The following CDK15 variants were observed in gnomAD, a reference collection of about 807,000 sequenced individuals.
CDK15 encodes cyclin-dependent kinase 15.
CDK15 carries 62 observed loss-of-function variants against 60.3 expected under a neutral mutation model. The ratio of observed to expected loss-of-function variants is 1.03; its 90% confidence interval spans 0.84 to 1.27. The LOEUF (loss-of-function observed/expected upper bound fraction) is 1.27. Among genes scored for constraint, CDK15 ranks in the 50% most tolerant of loss-of-function variants. CDK15 has a pLI of 0.00. For synonymous variants in CDK15, 194 were observed against 195.7 expected (o/e 0.99, Z 0.07); for missense variants, 541 against 527.8 (o/e 1.03, Z -0.25).
At chr2:201,829,760 A>T (rs6435111) in intron 6 of CDK15, among the ~76,000 whole-genome samples, 137,952 of 152,036 alleles carry the variant, frequency 0.91, 63,182 homozygotes, top group East Asian at 1. Context: ...AATAACAATA[A>T]GTTATTATTT....
At chr2:201,834,682 C>T (rs1034617075) in intron 7 of CDK15, among the ~76,000 whole-genome samples, 7 of 152,112 alleles carry the variant, frequency 4.6e-5, no homozygotes, top group Non-Finnish European at 8.8e-5. Flanking sequence ...TCATTTTATC[C>T]TTAGTGCCTG....
intron 9 of CDK15, among the ~76,000 whole-genome samples, chr2:201,851,957 C>T (rs1260904077): frequency 6.6e-6 from 1 of 152,046 alleles, no homozygotes; most frequent in African/African-American, 2.4e-5. Flanking sequence ...CCGTGCCCGG[C>T]CCTTTGCCCA....
intron 6 of CDK15, chr2:201,824,946 G>A: frequency 4.0e-6 from 1 of 249,558 alleles, no homozygotes; most frequent in Non-Finnish European, 6.8e-6. Context: ...TCAAAGTACT[G>A]GAAAGAAAGC....
At chr2:201,815,541 A>T (rs1360768119) in intron 4 of CDK15, among the ~76,000 whole-genome samples, 1 of 152,200 alleles carries the variant, frequency 6.6e-6, no homozygotes, top group Non-Finnish European at 1.5e-5. Context: ...TGACTCTAGA[A>T]TTGTATTTTA....
chr2:201,866,988 A>T (rs1698658325), intron 10 of CDK15, among the ~76,000 whole-genome samples: 1 of 152,152 alleles, frequency 6.6e-6, no homozygotes, highest in Admixed American at 6.5e-5. Flanking sequence ...CCAAACATGG[A>T]CTCAAGTACA....
chr2:201,819,030 C>T (rs1265103478), intron 4 of CDK15, among the ~76,000 whole-genome samples: 1 of 151,810 alleles, frequency 6.6e-6, no homozygotes, highest in African/African-American at 2.4e-5. Flanking sequence ...ATTGTGGAGA[C>T]AGACAATAAA....
rs987145362 is a variant in CDK15 at position 201,894,323 on chromosome 2, C to T, written c.*1056C>T. 6.6e-6 allele frequency: 1 copy of T among 152,110 alleles called. No homozygotes were observed. The highest frequency in any genetic ancestry group is 2.4e-5 in the African/African-American group (1 of 41,400). 9.4% of individuals were successfully genotyped at this position (152,110 alleles called of 1,614,324 possible). A position where few individuals can be genotyped will look rare whatever the true frequency, so the allele number is the denominator to read the frequency against. ...GAGATAATTAAAAAATAGTAACTAT[C>T]CCCCAATGTCTGAGATGGAAAAAGG... On this transcript the variant is annotated 3_prime_UTR_variant, in exon 14 of 14. Transcript: ENST00000652192.
intron 3 of CDK15, among the ~76,000 whole-genome samples, chr2:201,809,617 G>T (rs1354691107): frequency 6.6e-6 from 1 of 152,104 alleles, no homozygotes; most frequent in Non-Finnish European, 1.5e-5. Context: ...CTACGTTAGA[G>T]AATTATTGAC....
At chr2:201,832,185 A>G (rs181121538) in intron 6 of CDK15, among the ~76,000 whole-genome samples, 312 of 151,906 alleles carry the variant, frequency 2.1e-3, no homozygotes, top group Non-Finnish European at 2.4e-3. Context: ...AGCTGGGATT[A>G]TAAGCATATA....
chr2:201,816,463 T>TTTTG (rs1169789195), intron 4 of CDK15, among the ~76,000 whole-genome samples: 1 of 146,908 alleles, frequency 6.8e-6, no homozygotes, highest in East Asian at 2.0e-4. Flanking sequence ...TGGTTTTTTT[T>TTTTG]TTTTTTTTTT....
At chr2:201,816,693 G>A (rs932225950) in intron 4 of CDK15, among the ~76,000 whole-genome samples, 3 of 151,856 alleles carry the variant, frequency 2.0e-5, no homozygotes, top group Non-Finnish European at 4.4e-5. Flanking sequence ...TCTGTTTTTG[G>A]TTTTTTTGAG....
chr2:201,890,732 C>A, intron 12 of CDK15, 53 bp from the exon 13 acceptor site: 1 of 1,401,336 alleles, frequency 7.1e-7, no homozygotes, highest in South Asian at 1.3e-5. Flanking sequence ...AAATATACCA[C>A]AGAAGATCCC....
At position 201,835,626 on chromosome 2, in the gene CDK15, T is replaced by G. The variant is rs558409601; in HGVS notation, c.731-17T>G. 6.3e-7 allele frequency: 1 copy of G among 1,596,838 alleles called. No homozygotes were observed. The highest frequency in any genetic ancestry group is 2.2e-5 in the East Asian group (1 of 44,560). On this transcript the variant is annotated splice_polypyrimidine_tract_variant and intron_variant, in intron 7 of 13. Coordinates refer to ENST00000652192, the MANE Select transcript of CDK15 (RefSeq NM_001366386.2). ...AGGTCCAGAACGATGGGTTTTATGC[T>G]TTTCCCTTTTGGACAGGTCTTGCCC...
At chr2:201,883,780 G>A (rs1485361144) in intron 12 of CDK15, among the ~76,000 whole-genome samples, 1 of 152,214 alleles carries the variant, frequency 6.6e-6, no homozygotes, top group Admixed American at 6.5e-5. Flanking sequence ...TGTGGTCCTC[G>A]TGGCTGAGCC....
intron 3 of CDK15, among the ~76,000 whole-genome samples, chr2:201,808,934 A>G (rs1259705196): frequency 6.6e-6 from 1 of 151,438 alleles, no homozygotes; most frequent in African/African-American, 2.4e-5. Flanking sequence ...ATATTTATTT[A>G]TTTATTTATT....
At chr2:201,831,304 A>G (rs1300362725) in intron 6 of CDK15, among the ~76,000 whole-genome samples, 1 of 152,188 alleles carries the variant, frequency 6.6e-6, no homozygotes, top group Non-Finnish European at 1.5e-5. Context: ...CTCCTGGCCC[A>G]GATGGCACTA....
intron 12 of CDK15, chr2:201,888,933 A>G (rs1041276861): frequency 6.8e-5 from 67 of 989,730 alleles, no homozygotes; most frequent in Non-Finnish European, 7.2e-5. Flanking sequence ...TGTCTATGCT[A>G]TGACAAGATC....
At chr2:201,855,797 T>A (rs895168145) in intron 10 of CDK15, among the ~76,000 whole-genome samples, 1 of 151,590 alleles carries the variant, frequency 6.6e-6, no homozygotes, top group African/African-American at 2.4e-5. Context: ...TTACTAAAAA[T>A]GAAATCTTCC....
chr2:201,865,717 C>G (rs1302843992), intron 10 of CDK15, among the ~76,000 whole-genome samples: 2 of 151,744 alleles, frequency 1.3e-5, no homozygotes, highest in Non-Finnish European at 2.9e-5. Flanking sequence ...TGATGAAACC[C>G]CATCTCTACT....
Sources: allele counts gnomAD v4.1 joint callset (sites outside exome capture counted in the v4.1 genomes callset), GRCh38; gene constraint gnomAD v4.1.1; transcripts MANE v1.5; gene names NCBI Gene and HGNC (gene_info 2026-07-23, HGNC 2026-07-21).